The following FARP1 variants were observed in gnomAD, a reference collection of about 807,000 sequenced individuals.
FARP1 encodes FERM, ARHGEF and pleckstrin domain-containing protein 1.
In FARP1, 52 loss-of-function variants were observed where a neutral mutation model predicts 128.8. The ratio of observed to expected loss-of-function variants is 0.40; its 90% CI spans 0.32 to 0.51. The LOEUF is 0.51. Among genes scored for constraint, FARP1 ranks in the 20% least tolerant of loss-of-function variants. The probability of loss-of-function intolerance (pLI) is 0.45; values close to 1 mark genes in which losing one functional copy is unlikely to be tolerated. For synonymous variants in FARP1, 580 were observed against 551.8 expected, an observed-to-expected ratio of 1.05 and a Z score of -0.72; for missense variants, 1,333 against 1,367.9, an observed-to-expected ratio of 0.97 and a Z score of 0.40.
At chr13:98,301,660 G>A (rs908911900) in intron 2 of FARP1, among the ~76,000 whole-genome samples, 2 of 152,162 alleles carry the variant, frequency 1.3e-5, no homozygotes, top group Admixed American at 1.3e-4. Context: ...TAAAGAAGAG[G>A]TGTTTTGATC....
intron 1 of FARP1, among the ~76,000 whole-genome samples, chr13:98,187,292 A>G (rs1169764593): frequency 6.6e-6 from 1 of 152,180 alleles, no homozygotes; most frequent in Non-Finnish European, 1.5e-5. Context: ...CTTTCAACAT[A>G]TCTCATATTT....
intron 2 of FARP1, among the ~76,000 whole-genome samples, chr13:98,271,364 T>C (rs1284824590): frequency 6.6e-6 from 1 of 152,182 alleles, no homozygotes; most frequent in African/African-American, 2.4e-5. Flanking sequence ...TTATCTCCTC[T>C]TACATTGACA....
chr13:98,350,047 T>G (rs1386903604), intron 3 of FARP1, among the ~76,000 whole-genome samples: 1 of 151,998 alleles, frequency 6.6e-6, no homozygotes, highest in Non-Finnish European at 1.5e-5. Flanking sequence ...GTGTAAAGGA[T>G]GGAGAATGTC....
At chr13:98,409,610 A>T in intron 14 of FARP1, 85 bp downstream of exon 14, 2 of 1,268,588 alleles carry the variant, frequency 1.6e-6, no homozygotes, top group Non-Finnish European at 2.1e-6. Context: ...TAAAATATAC[A>T]TAAGAGCAAA....
chr13:98,208,798 T>C (rs1052720270), intron 1 of FARP1, among the ~76,000 whole-genome samples: 5 of 152,172 alleles, frequency 3.3e-5, no homozygotes, highest in Non-Finnish European at 5.9e-5. Context: ...TAGTTTCTGA[T>C]TTGCTGACCT....
At chr13:98,380,199 C>T (rs1220944556) in intron 6 of FARP1, among the ~76,000 whole-genome samples, 1 of 152,122 alleles carries the variant, frequency 6.6e-6, no homozygotes, top group Non-Finnish European at 1.5e-5. Context: ...GTAATCCCAG[C>T]ACTTTGGGAG....
intron 2 of FARP1, among the ~76,000 whole-genome samples, chr13:98,217,921 G>C (rs898187311): frequency 6.6e-6 from 1 of 152,188 alleles, no homozygotes; most frequent in African/African-American, 2.4e-5. Flanking sequence ...CATAACAAGG[G>C]AAAGAGCAAG....
rs1209982389 is a variant in FARP1 at position 98,448,576 on chromosome 13, G to C, written c.*259G>C. 5 of 443,994 alleles carry C rather than the reference G, an allele frequency of 1.1e-5. No individual in the cohort carries two copies. Among genetic ancestry groups the C allele is most frequent in the Non-Finnish European group, 2.0e-5 (5 of 250,518 alleles). 27.5% of individuals were successfully genotyped at this position (443,994 alleles called of 1,614,324 possible). ...GCCAGTATTAAAACATTGTCATTACGAGAGTGCCAAATGACATCTTCCCTC... is the reference window on the plus strand; with the variant it reads ...GCCAGTATTAAAACATTGTCATTACCAGAGTGCCAAATGACATCTTCCCTC... On this transcript the variant is annotated 3_prime_UTR_variant, in exon 27 of 27. Coordinates refer to ENST00000319562, the MANE Select transcript of FARP1 (RefSeq NM_005766.4).
At chr13:98,374,707 C>T (rs1166991139) in intron 5 of FARP1, among the ~76,000 whole-genome samples, 1 of 152,158 alleles carries the variant, frequency 6.6e-6, no homozygotes, top group African/African-American at 2.4e-5. Flanking sequence ...TAAAGGAATA[C>T]CTGAGGCAGG....
At chr13:98,287,914 G>A (rs1173231795) in intron 2 of FARP1, among the ~76,000 whole-genome samples, 3 of 149,776 alleles carry the variant, frequency 2.0e-5, no homozygotes, top group African/African-American at 7.4e-5. Context: ...CGATTCTTCT[G>A]CCTCAGCCTC....
intron 1 of FARP1, among the ~76,000 whole-genome samples, chr13:98,174,774 T>C (rs1221806416): frequency 6.6e-6 from 1 of 152,194 alleles, no homozygotes; most frequent in African/African-American, 2.4e-5. Context: ...GGCACTGTTC[T>C]AAATATGTTA....
chr13:98,316,685 C>T (rs556615787), intron 2 of FARP1, among the ~76,000 whole-genome samples: 160 of 152,294 alleles, frequency 1.1e-3, no homozygotes, highest in Middle Eastern at 3.4e-3. Flanking sequence ...CAGAACACTG[C>T]GTTGCAAGCA....
At chr13:98,367,664 C>A (rs1250546110) in intron 4 of FARP1, among the ~76,000 whole-genome samples, 1 of 152,014 alleles carries the variant, frequency 6.6e-6, no homozygotes. Flanking sequence ...GTATGTTTTC[C>A]CCAGAGCTCA....
intron 16 of FARP1, 92 bp downstream of exon 16, chr13:98,412,126 A>C: frequency 7.9e-7 from 1 of 1,261,388 alleles, no homozygotes; most frequent in Non-Finnish European, 1.1e-6. Context: ...AGGCAGGAAC[A>C]AAGATGAAAG....
At chr13:98,362,051 C>G (rs1888895602) in intron 3 of FARP1, among the ~76,000 whole-genome samples, 1 of 152,144 alleles carries the variant, frequency 6.6e-6, no homozygotes, top group Non-Finnish European at 1.5e-5. Flanking sequence ...ATTGCTTGAG[C>G]CCAGGATTTC....
intron 2 of FARP1, among the ~76,000 whole-genome samples, chr13:98,213,757 C>A (rs1249410198): frequency 1.3e-5 from 2 of 152,156 alleles, no homozygotes. Context: ...GGCTGGATCC[C>A]AGTTTAATTT....
At chr13:98,427,092 C>T (rs11619267) in intron 17 of FARP1, among the ~76,000 whole-genome samples, 1 of 151,800 alleles carries the variant, frequency 6.6e-6, no homozygotes. Context: ...TGTACATTCT[C>T]TGGGTGTTGA....
At chr13:98,422,678 C>T (rs1286483495) in intron 16 of FARP1, among the ~76,000 whole-genome samples, 1 of 152,160 alleles carries the variant, frequency 6.6e-6, no homozygotes, top group Non-Finnish European at 1.5e-5. Flanking sequence ...TTTCTACTCA[C>T]GATGACTTTT....
At chr13:98,280,448 G>A (rs1474155310) in intron 2 of FARP1, among the ~76,000 whole-genome samples, 2 of 152,198 alleles carry the variant, frequency 1.3e-5, no homozygotes, top group African/African-American at 2.4e-5. Flanking sequence ...TGGCCGAGAA[G>A]ACCCTTCTTT....
Sources: gnomAD v4.1 joint callset for allele counts (sites outside exome capture counted in the v4.1 genomes callset) on GRCh38, gnomAD v4.1.1 for gene constraint, MANE v1.5 for transcripts, NCBI Gene and HGNC (gene_info 2026-07-23, HGNC 2026-07-21) for gene names.